The following SHE variants were observed in gnomAD, a reference collection of about 807,000 sequenced individuals.
SHE encodes the protein SH2 domain-containing adapter protein E.
A neutral mutation model predicts 49.8 loss-of-function variants in SHE; 11 were observed. That is an observed-to-expected ratio of 0.22 (90% CI 0.14 to 0.37). The LOEUF (loss-of-function observed/expected upper bound fraction) is 0.37. Among genes scored for constraint, SHE ranks in the 10% least tolerant of loss-of-function variants. SHE has a pLI of 1.00. For missense variants in SHE, 624 were observed against 655.5 expected (o/e 0.95, Z 0.52); for synonymous variants, 310 against 278.1 (o/e 1.11, Z -1.14).
chr1:154,470,414 G>T (rs183721152), intron 1 of SHE: 3 of 1,287,140 alleles, frequency 2.3e-6, no homozygotes, highest in Non-Finnish European at 3.0e-6. Context: ...TTCTAAGAAA[G>T]CATTTTCCTT....
intron 1 of SHE, among the ~76,000 whole-genome samples, chr1:154,472,353 A>G (rs1691766429): frequency 6.6e-6 from 1 of 152,234 alleles, no homozygotes; most frequent in South Asian, 2.1e-4. Flanking sequence ...GCACCTCAGC[A>G]TGTAATGCGG....
chr1:154,470,588 C>T (rs1329131776), intron 1 of SHE, among the ~76,000 whole-genome samples: 1 of 152,184 alleles, frequency 6.6e-6, no homozygotes, highest in African/African-American at 2.4e-5. Context: ...TCCTATAATC[C>T]TAGCACTTTG....
rs1192211696 is a variant in SHE at position 154,499,155 on chromosome 1, G to A, written c.675C>T (p.Asn225=). 1.3e-5 allele frequency: 21 copies of A among 1,613,924 alleles called. No homozygotes were observed. The highest frequency in any genetic ancestry group is 1.6e-5 in the Non-Finnish European group (19 of 1,179,992). ...GQRDAERVGE[N]DGYMEPYDAQ... ...CATCATATGGTTCCATGTAACCGTC[G>A]TTCTCTCCGACTCTCTCTGCATCCC... Residue 225 remains asparagine, a synonymous_variant, in exon 2 of 6, where the codon AAC becomes AAT. Transcript: ENST00000304760.
Position 154,486,035 on chromosome 1 carries a change from A to T in SHE, c.1209T>A (p.Ala403=), listed in dbSNP as rs781672592. 3 of 1,613,956 alleles carry T rather than the reference A, an allele frequency of 1.9e-6. No homozygotes were observed. The change falls in exon 5 of 6, where the codon GCT becomes GCA. Residue 403 remains alanine, a synonymous_variant. Transcript: ENST00000304760. The part of the protein sequence containing the change: ...QPWYHGAISR[A]EAESRLQPCK... ...AGGGCTGTAGTCGACTCTCAGCCTC[A>T]GCACGGCTGATGGCACCATGATACC...
Position 154,501,704 on chromosome 1 carries a change from A to G in SHE, c.323T>C (p.Leu108Pro). ...PKDSRLSRDS[L>P]QGLIQAAAGK... ...CGCGGCGGCCTGAATCAGACCCTGC[A>G]GGCTGTCGCGGGACAGCCGGCTGTC... The change falls in exon 1 of 6, where the codon CTG (leucine) becomes CCG (proline). Residue 108 changes from leucine to proline, a missense_variant. Physicochemically the swap from Leu to Pro is moderately conservative, Grantham distance 98 (BLOSUM62 -3). Coordinates refer to ENST00000304760, the MANE Select transcript of SHE (RefSeq NM_001010846.3). 1 of 1,609,590 alleles carries G rather than the reference A, an allele frequency of 6.2e-7. No individual in the cohort carries two copies. Among genetic ancestry groups the G allele is most frequent in the East Asian group, 2.2e-5 (1 of 44,730 alleles).
intron 1 of SHE, among the ~76,000 whole-genome samples, chr1:154,499,518 G>A (rs530345228): frequency 1.3e-5 from 2 of 152,208 alleles, no homozygotes; most frequent in East Asian, 3.9e-4. Context: ...CATTTTCTGG[G>A]TTAGAGGGTG....
At chr1:154,477,685 G>A (rs1291465351), downstream of SHE, among the ~76,000 whole-genome samples, 1 of 151,952 alleles carries the variant, frequency 6.6e-6, no homozygotes, top group Non-Finnish European at 1.5e-5. Context: ...GAGGTCAGGA[G>A]TTTGAGACCA....
chr1:154,489,363 A>G lies in SHE; in HGVS notation c.719-7T>C, dbSNP rs988582814. 6.2e-7 allele frequency: 1 copy of G among 1,609,448 alleles called. No homozygotes were observed. Among genetic ancestry groups the G allele is most frequent in the Non-Finnish European group, 8.5e-7 (1 of 1,177,738 alleles). Reference sequence around the variant, plus strand: ...GAACCCCGTCGTCTAATTTCTGAAAAACACACACCATTTCTGAAAAACACA... The same window carrying G: ...GAACCCCGTCGTCTAATTTCTGAAAGACACACACCATTTCTGAAAAACACA... On this transcript the variant is annotated splice_region_variant and splice_polypyrimidine_tract_variant and intron_variant, in intron 2 of 5. Transcript: ENST00000304760.
chr1:154,479,472 C>A (rs1691963068), downstream of SHE: 1 of 983,474 alleles, frequency 1.0e-6, no homozygotes, highest in South Asian at 4.7e-5. Flanking sequence ...TTAAGCAAAA[C>A]CACTGTAGTT....
chr1:154,501,078 T>C lies in SHE; in HGVS notation c.591+358A>G, dbSNP rs545929135. Reference sequence around the variant, plus strand: ...TTATGCTCAAGAAGCATAAAAGTCATACACAAGCCTAGCTTTGCAATTCCC... The same window carrying C: ...TTATGCTCAAGAAGCATAAAAGTCACACACAAGCCTAGCTTTGCAATTCCC... On this transcript the variant is annotated intron_variant, in intron 1 of 5. Coordinates refer to ENST00000304760, the MANE Select transcript of SHE (RefSeq NM_001010846.3). Among the ~76,000 whole-genome samples, 72 of 152,284 alleles carry C rather than the reference T, an allele frequency of 4.7e-4. 1 individual carries two copies. In the South Asian group the frequency reaches 4.8e-3, roughly 10 times the overall value.
At chr1:154,490,856 A>G (rs142103367) in intron 2 of SHE, among the ~76,000 whole-genome samples, 425 of 152,158 alleles carry the variant, frequency 2.8e-3, no homozygotes, top group African/African-American at 9.6e-3. Flanking sequence ...GGTAACTCTA[A>G]CCATGGTGTA....
rs761686544 is a variant in SHE at position 154,501,392 on chromosome 1, T to A, written c.591+44A>T. The A allele has an allele frequency of 1.9e-6, 3 of 1,584,662 alleles. No homozygotes were observed. In the Admixed American group the frequency reaches 5.1e-5, roughly 27 times the overall value. ...CTAGGGCTTAGCAGGCGCCCAGGGCTCCCCTTCGACTGAGAGGTGGTCCAA... is the reference window on the plus strand; with the variant it reads ...CTAGGGCTTAGCAGGCGCCCAGGGCACCCCTTCGACTGAGAGGTGGTCCAA... On this transcript the variant is annotated intron_variant, in intron 1 of 5. Transcript: ENST00000304760.
At chr1:154,501,028 T>C (rs1476932040) in intron 1 of SHE, among the ~76,000 whole-genome samples, 1 of 152,226 alleles carries the variant, frequency 6.6e-6, no homozygotes, top group Non-Finnish European at 1.5e-5. Context: ...AATGCATATC[T>C]ACACACTTGA....
chr1:154,474,619 C>T (rs1691832672), downstream of SHE, among the ~76,000 whole-genome samples: 1 of 152,204 alleles, frequency 6.6e-6, no homozygotes, highest in South Asian at 2.1e-4. Flanking sequence ...ATTCTCCTGC[C>T]TCAGCCTCCT....
At chr1:154,488,876 T>C (rs985696180) in intron 3 of SHE, among the ~76,000 whole-genome samples, 175 bp downstream of exon 3, 1 of 152,240 alleles carries the variant, frequency 6.6e-6, no homozygotes, top group Non-Finnish European at 1.5e-5. Context: ...CAAGCCACCG[T>C]GCCCAGCCAG....
downstream of SHE, among the ~76,000 whole-genome samples, chr1:154,475,194 TTTTC>T (rs1196001503): frequency 6.6e-6 from 1 of 152,046 alleles, no homozygotes; most frequent in Non-Finnish European, 1.5e-5. Context: ...CAATGTTCTT[TTTTC>T]TTTTTTTGAC....
intron 5 of SHE, chr1:154,485,688 G>A (rs1692154631): frequency 2.5e-6 from 1 of 393,990 alleles, no homozygotes; most frequent in African/African-American, 2.0e-5. Context: ...GGTAATGTAA[G>A]GTAGACATTG....
chr1:154,471,257 T>C (rs1183150153), intron 1 of SHE, among the ~76,000 whole-genome samples: 1 of 152,126 alleles, frequency 6.6e-6, no homozygotes, highest in East Asian at 1.9e-4. Flanking sequence ...CAGTGGCTCA[T>C]TCCTGTAATC....
At chr1:154,495,376 T>C (rs1418426739) in intron 2 of SHE, among the ~76,000 whole-genome samples, 1 of 152,240 alleles carries the variant, frequency 6.6e-6, no homozygotes, top group African/African-American at 2.4e-5. Flanking sequence ...TATTGCCTTG[T>C]ATTCAGTCAT....
Sources: gnomAD v4.1 joint callset for allele counts (sites outside exome capture counted in the v4.1 genomes callset) on GRCh38, gnomAD v4.1.1 for gene constraint, MANE v1.5 for transcripts, NCBI Gene and HGNC (gene_info 2026-07-23, HGNC 2026-07-21) for gene names.